TEKT5: variants seen among roughly 807,000 people sequenced by gnomAD.
TEKT5 encodes tektin-5.
TEKT5 carries 52 observed loss-of-function variants against 48.7 expected under a neutral mutation model. The observed-to-expected ratio is 1.07, with a 90% CI of 0.86 to 1.35. The LOEUF (loss-of-function observed/expected upper bound fraction) is 1.35. Among genes scored for constraint, TEKT5 ranks in the 40% most tolerant of loss-of-function variants. The probability of loss-of-function intolerance (pLI) is 0.00; values close to 1 mark genes in which losing one functional copy is unlikely to be tolerated. For missense variants in TEKT5, 831 were observed against 641.6 expected (o/e 1.30, Z -3.19); for synonymous variants, 318 against 267.6 (o/e 1.19, Z -1.84).
chr16:10,659,603 T>C (rs758257427), intron 5 of TEKT5, among the ~76,000 whole-genome samples: 2 of 152,144 alleles, frequency 1.3e-5, no homozygotes, highest in Non-Finnish European at 2.9e-5. Flanking sequence ...CCTCGTGATC[T>C]GCCCGCCTCA....
intron 5 of TEKT5, among the ~76,000 whole-genome samples, chr16:10,669,127 G>A (rs534913801): frequency 1.0e-3 from 158 of 152,234 alleles, no homozygotes; most frequent in Non-Finnish European, 1.0e-3. Context: ...AGTGTTCACA[G>A]CAGCTTTATT....
intron 6 of TEKT5, among the ~76,000 whole-genome samples, chr16:10,631,069 CAT>C (rs150668217): frequency 2.8e-5 from 4 of 145,232 alleles, no homozygotes; most frequent in Non-Finnish European, 3.0e-5. Flanking sequence ...TATCTATGTC[CAT>C]ATATATATAT....
intron 6 of TEKT5, among the ~76,000 whole-genome samples, chr16:10,631,767 C>T (rs755976079): frequency 3.0e-4 from 46 of 152,194 alleles, no homozygotes; most frequent in Middle Eastern, 6.8e-3. Context: ...AGCTGAGGGA[C>T]GCCAAGGATT....
chr16:10,642,655 T>C (rs1567225880), intron 5 of TEKT5, among the ~76,000 whole-genome samples: 1 of 152,204 alleles, frequency 6.6e-6, no homozygotes. Context: ...TAGCCTATTG[T>C]AAGAATCATT....
At position 10,694,440 on chromosome 16, in the gene TEKT5, A is replaced by G. The variant is rs1236917541; in HGVS notation, c.434T>C (p.Leu145Pro). ...EGTCRNLGQR[L>P]SDIGFWKSEL... ...TGACTTCCAGAAGCCAATGTCCGAC[A>G]GCCTCTGGCCCAGGTTCCGGCAGGT... Residue 145 changes from leucine to proline, a missense_variant, in exon 1 of 7, where the codon CTG (leucine) becomes CCG (proline). Coordinates refer to ENST00000283025, the MANE Select transcript of TEKT5 (RefSeq NM_144674.2). 6 of 1,614,060 alleles carry G rather than the reference A, an allele frequency of 3.7e-6. No individual in the cohort carries two copies. Among genetic ancestry groups the G allele is most frequent in the Admixed American group, 1.7e-5 (1 of 60,008 alleles).
chr16:10,680,767 C>G (rs1248251033), intron 4 of TEKT5, among the ~76,000 whole-genome samples: 2 of 146,846 alleles, frequency 1.4e-5, no homozygotes, highest in East Asian at 4.0e-4. Flanking sequence ...GAACAAAAAA[C>G]CAAACACCGC....
At chr16:10,675,567 G>T (rs575320373) in intron 5 of TEKT5, among the ~76,000 whole-genome samples, 1 of 152,308 alleles carries the variant, frequency 6.6e-6, no homozygotes, top group African/African-American at 2.4e-5. Flanking sequence ...GGAAGTCAAA[G>T]ATTACACTTC....
intron 4 of TEKT5, 114 bp from the exon 5 acceptor site, chr16:10,676,295 G>T: frequency 9.9e-7 from 1 of 1,013,614 alleles, no homozygotes; most frequent in Non-Finnish European, 1.5e-6. Flanking sequence ...CCTGTGCATT[G>T]TAGGGTGCTT....
intron 3 of TEKT5, among the ~76,000 whole-genome samples, chr16:10,682,740 C>G (rs577319475): frequency 1.3e-5 from 2 of 152,160 alleles, no homozygotes; most frequent in African/African-American, 2.4e-5. Flanking sequence ...CAACTGTGCA[C>G]GAGAGCAGTC....
intron 5 of TEKT5, among the ~76,000 whole-genome samples, chr16:10,660,954 G>T (rs1277875872): frequency 1.3e-5 from 2 of 152,076 alleles, no homozygotes; most frequent in Admixed American, 1.3e-4. Flanking sequence ...GCCCACCCTG[G>T]CCTCCCAAAG....
At chr16:10,648,967 A>C (rs1200441554) in intron 5 of TEKT5, among the ~76,000 whole-genome samples, 1 of 152,116 alleles carries the variant, frequency 6.6e-6, no homozygotes, top group African/African-American at 2.4e-5. Context: ...TTTTATTTTT[A>C]GAGACAAGTT....
At chr16:10,637,366 A>G (rs1403477067) in intron 5 of TEKT5, among the ~76,000 whole-genome samples, 1 of 150,560 alleles carries the variant, frequency 6.6e-6, no homozygotes, top group Admixed American at 6.6e-5. Context: ...TCCAGAGTTT[A>G]CCCTCTTAAT....
At chr16:10,689,168 G>C (rs1324460270) in intron 3 of TEKT5, 85 bp downstream of exon 3, 2 of 1,055,364 alleles carry the variant, frequency 1.9e-6, no homozygotes, top group East Asian at 5.1e-5. Context: ...GAGACAAGTG[G>C]GCCCATCTGG....
chr16:10,658,013 A>T (rs528298991), intron 5 of TEKT5, among the ~76,000 whole-genome samples: 145 of 152,274 alleles, frequency 9.5e-4, no homozygotes, highest in Non-Finnish European at 1.7e-3. Context: ...CCATCACTAT[A>T]ATCTAATTTA....
intron 1 of TEKT5, chr16:10,692,927 G>T (rs1184175598): frequency 2.0e-5 from 3 of 152,154 alleles, no homozygotes; most frequent in Non-Finnish European, 2.9e-5. Context: ...TCTCCCTCTG[G>T]AATTTTCCTC....
At chr16:10,685,779 A>ATC (rs1394249620) in intron 3 of TEKT5, among the ~76,000 whole-genome samples, 26 of 151,296 alleles carry the variant, frequency 1.7e-4, no homozygotes, top group African/African-American at 5.6e-4. Context: ...GTCAGTGCTC[A>ATC]TCTCTCTCTC....
At chr16:10,633,024 G>A (rs1897861392) in intron 6 of TEKT5, among the ~76,000 whole-genome samples, 1 of 152,178 alleles carries the variant, frequency 6.6e-6, no homozygotes, top group Non-Finnish European at 1.5e-5. Context: ...CCCCAAAGCA[G>A]TAGGTCCTCC....
At chr16:10,666,901 T>C (rs1037102172) in intron 5 of TEKT5, among the ~76,000 whole-genome samples, 1 of 151,982 alleles carries the variant, frequency 6.6e-6, no homozygotes, top group Non-Finnish European at 1.5e-5. Context: ...CTATCTACAC[T>C]GATGCAGGGG....
chr16:10,639,731 G>A (rs1232550998), intron 5 of TEKT5, among the ~76,000 whole-genome samples: 1 of 152,140 alleles, frequency 6.6e-6, no homozygotes, highest in African/African-American at 2.4e-5. Context: ...CACATCTCTG[G>A]CATAAGCAAA....
Sources: allele counts gnomAD v4.1 joint callset (sites outside exome capture counted in the v4.1 genomes callset), GRCh38; gene constraint gnomAD v4.1.1; transcripts MANE v1.5; gene names NCBI Gene and HGNC (gene_info 2026-07-23, HGNC 2026-07-21).